Variants in TMEM68 observed in about 807,000 individuals in gnomAD.
TMEM68 encodes the protein DGAT1/2-independent enzyme synthesizing storage lipids.
Under a neutral mutation model 36.9 loss-of-function variants are expected in TMEM68, and 25 were observed. That is an observed-to-expected ratio of 0.68 (90% CI 0.49 to 0.95). The LOEUF is 0.95. TMEM68 is among the 40% of genes least tolerant of loss of function. The pLI, the probability that TMEM68 is intolerant of heterozygous loss-of-function variation, is 0.00. For synonymous variants in TMEM68, 131 were observed against 124.4 expected (o/e 1.05, Z -0.35); for missense variants, 333 against 392.0 (o/e 0.85, Z 1.27).
At chr8:55,755,440 T>G (rs1262054992) in intron 4 of TMEM68, among the ~76,000 whole-genome samples, 2 of 151,976 alleles carry the variant, frequency 1.3e-5, no homozygotes, top group Non-Finnish European at 2.9e-5. Flanking sequence ...CTGGACTACT[T>G]TTTGTATTTT....
At chr8:55,747,735 T>C (rs1302144033) in intron 5 of TMEM68, 1 of 152,146 alleles carries the variant, frequency 6.6e-6, no homozygotes, top group Non-Finnish European at 1.5e-5. Context: ...ACTAGTTTTG[T>C]AAAATAAAAC....
At chr8:55,743,418 T>C (rs2129906624) in intron 7 of TMEM68, 63 bp downstream of exon 7, 2 of 1,479,174 alleles carry the variant, frequency 1.4e-6, no homozygotes, top group East Asian at 2.5e-5. Flanking sequence ...ATCAATGAGA[T>C]TCAAAATATA....
intron 5 of TMEM68, among the ~76,000 whole-genome samples, chr8:55,748,481 T>G (rs1279158045): frequency 6.6e-6 from 1 of 150,502 alleles, no homozygotes; most frequent in African/African-American, 2.5e-5. Flanking sequence ...ATCAGCAACC[T>G]AGAATTCAAT....
rs187022191 is a variant in TMEM68, at chr8:55,747,753, G to A, written c.688-2632C>T. On this transcript the variant is annotated intron_variant, in intron 5 of 7. Transcript: ENST00000434581. The stretch of plus-strand genomic sequence containing the variant: ...AGTTTTGTAAAATAAAACTAGTTTT[G>A]TAAAATAAAATATTAGTATGGCTGA... The A allele has an allele frequency of 5.9e-5, 9 of 152,154 alleles. 1 individual carries two copies. Among genetic ancestry groups the A allele is most frequent in the Admixed American group, 5.9e-4 (9 of 15,296 alleles). The allele number at this position is 152,154 out of a possible 1,614,324, so 9.4% of individuals were successfully genotyped here. A position where few individuals can be genotyped will look rare whatever the true frequency, so the allele number is the denominator to read the frequency against.
intron 1 of TMEM68, among the ~76,000 whole-genome samples, chr8:55,771,353 A>C (rs1326840592): frequency 6.6e-6 from 1 of 152,052 alleles, no homozygotes; most frequent in Admixed American, 6.6e-5. Context: ...TATAATCCTA[A>C]CACTTTGGGA....
At chr8:55,743,669 A>G in intron 6 of TMEM68, 49 bp from the exon 7 acceptor site, 1 of 1,478,116 alleles carries the variant, frequency 6.8e-7, no homozygotes, top group Non-Finnish European at 9.0e-7. Flanking sequence ...TATTCTGACC[A>G]TGTAACTGTA....
chr8:55,756,422 G>T lies in TMEM68; in HGVS notation c.326-11C>A. ...CATGAACTTCATAACCTGTTTGAAT[G>T]ACAAAATGCAAATACTTAAAATATA... On this transcript the variant is annotated splice_polypyrimidine_tract_variant and intron_variant, in intron 3 of 7. Transcript: ENST00000434581. 1.3e-6 allele frequency: 2 copies of T among 1,550,014 alleles called. No homozygotes were observed. The highest frequency in any genetic ancestry group is 2.5e-5 in the South Asian group (2 of 78,766).
chr8:55,768,727 T>C (rs1328747702), intron 1 of TMEM68, among the ~76,000 whole-genome samples: 6 of 151,886 alleles, frequency 4.0e-5, no homozygotes, highest in Non-Finnish European at 7.4e-5. Context: ...ATTCCTGTAA[T>C]CTCAGCTACT....
chr8:55,759,334 G>A (rs1180820236), intron 3 of TMEM68, among the ~76,000 whole-genome samples: 1 of 151,894 alleles, frequency 6.6e-6, no homozygotes, highest in Non-Finnish European at 1.5e-5. Context: ...ACTTTGGGAG[G>A]GTGAGGCGGG....
chr8:55,749,964 C>T (rs1253442739), intron 5 of TMEM68, among the ~76,000 whole-genome samples: 1 of 152,054 alleles, frequency 6.6e-6, no homozygotes, highest in Non-Finnish European at 1.5e-5. Context: ...GTCCTTCTTC[C>T]AAGCAATATG....
chr8:55,744,734 G>T (rs1296206416), intron 6 of TMEM68, among the ~76,000 whole-genome samples: 1 of 152,182 alleles, frequency 6.6e-6, no homozygotes, highest in Non-Finnish European at 1.5e-5. Flanking sequence ...CTTCTGGGGT[G>T]AGTTAAAAAG....
Position 55,770,420 on chromosome 8 carries a change from A to G in TMEM68, c.-115+2849T>C, listed in dbSNP as rs557211401. Among the ~76,000 whole-genome samples, 19 of 152,320 alleles carry G rather than the reference A, an allele frequency of 1.2e-4. 1 individual carries two copies. The East Asian group carries it at 2.5e-3, about 20-fold the overall frequency. On this transcript the variant is annotated intron_variant, in intron 1 of 7. Transcript: ENST00000434581. ...TGGGCCAGGGTGGCTCACGCCTGTG[A>G]TTCCAACAGTTTTCGAGGCCAAGGT...
Position 55,751,072 on chromosome 8 carries a change from T to C in TMEM68, c.579A>G (p.Leu193=). The C allele has an allele frequency of 6.2e-7, 1 of 1,614,160 alleles. No homozygotes were observed. Among genetic ancestry groups the C allele is most frequent in the Middle Eastern group, 1.6e-4 (1 of 6,062 alleles). ...CTCGAACTCCACCTGGTGAGATAGC[T>C]AACAAGTGGCCACTCCTCAGAATTT... The part of the protein sequence containing the change: ...CVEILRSGHL[L]AISPGGVREA... The change falls in exon 5 of 8, where the codon TTA becomes TTG. Residue 193 remains leucine (L), a synonymous_variant. Coordinates refer to ENST00000434581, the MANE Select transcript of TMEM68 (RefSeq NM_001286657.2).
intron 6 of TMEM68, among the ~76,000 whole-genome samples, chr8:55,743,892 CA>C (rs1384644503): frequency 2.6e-5 from 4 of 151,578 alleles, no homozygotes; most frequent in Admixed American, 1.3e-4. Context: ...AAATGCCCCC[CA>C]AAAAAGTTTA....
At chr8:55,750,884 A>C in intron 5 of TMEM68, 80 bp downstream of exon 5, 1 of 1,403,198 alleles carries the variant, frequency 7.1e-7, no homozygotes, top group Non-Finnish European at 9.8e-7. Flanking sequence ...CTAAGTTCTT[A>C]TACAATTTGG....
At chr8:55,741,744 G>T (rs1810108902) in intron 7 of TMEM68, among the ~76,000 whole-genome samples, 2 of 152,126 alleles carry the variant, frequency 1.3e-5, no homozygotes, top group South Asian at 4.1e-4. Flanking sequence ...TGTAAGGAAT[G>T]GTGAGTTAGC....
chr8:55,756,292 C>A lies in TMEM68; in HGVS notation c.445G>T (p.Gly149Cys). Residue 149 changes from glycine to cysteine, a missense_variant, in exon 4 of 8, where the codon GGC becomes TGC. Gly to Cys is a radical substitution (Grantham distance 159). Transcript: ENST00000434581. ...YFMAKIFIHK[G>C]RTCRVVADHF... is the part of the protein sequence containing the mutation. ...TCAGCTACTACTCGGCAAGTTCTGCCTTTGTGTATAAATATTTTAGCCATG... is the reference window on the plus strand; with the variant it reads ...TCAGCTACTACTCGGCAAGTTCTGCATTTGTGTATAAATATTTTAGCCATG... The A allele has an allele frequency of 2.5e-6, 4 of 1,605,416 alleles. No individual in the cohort carries two copies. The highest frequency in any genetic ancestry group is 1.7e-6 in the Non-Finnish European group (2 of 1,177,880).
At chr8:55,749,511 G>A (rs1026875531) in intron 5 of TMEM68, among the ~76,000 whole-genome samples, 3 of 152,086 alleles carry the variant, frequency 2.0e-5, no homozygotes, top group Admixed American at 6.6e-5. Flanking sequence ...TCACGTATCT[G>A]GGAAGCCCCT....
At chr8:55,761,841 C>T (rs1053340440) in intron 3 of TMEM68, 9 of 152,182 alleles carry the variant, frequency 5.9e-5, no homozygotes, top group Non-Finnish European at 1.2e-4. Flanking sequence ...CTTCCATGTC[C>T]TTCTATGAAA....
Sources: gnomAD v4.1 joint callset for allele counts (sites outside exome capture counted in the v4.1 genomes callset) on GRCh38, gnomAD v4.1.1 for gene constraint, MANE v1.5 for transcripts, NCBI Gene and HGNC (gene_info 2026-07-23, HGNC 2026-07-21) for gene names.